Variants in FMN1 observed in about 807,000 individuals in gnomAD.
FMN1 encodes formin 1.
In FMN1, 110 loss-of-function variants were observed where a neutral mutation model predicts 132.4. The observed-to-expected ratio is 0.83, with a 90% CI of 0.71 to 0.97. The LOEUF is 0.97. FMN1 is among the 50% of genes least tolerant of loss of function. The pLI is 0.00. For synonymous variants in FMN1, 722 were observed against 651.7 expected, an observed-to-expected ratio of 1.11 and a Z score of -1.64; for missense variants, 1,792 against 1,705.3, an observed-to-expected ratio of 1.05 and a Z score of -0.90.
chr15:33,007,061 C>T, intron 7 of FMN1, among the ~76,000 whole-genome samples: 1 of 152,074 alleles, frequency 6.6e-6, no homozygotes, highest in East Asian at 1.9e-4. Context: ...TTCGTGTTCT[C>T]ACCGCATATA....
At chr15:33,102,065 T>C (rs1382778761) in intron 4 of FMN1, among the ~76,000 whole-genome samples, 2 of 152,238 alleles carry the variant, frequency 1.3e-5, no homozygotes, top group East Asian at 3.9e-4. Context: ...TAAGTTTATC[T>C]CCCCTTTTCT....
intron 19 of FMN1, among the ~76,000 whole-genome samples, chr15:32,784,982 C>G (rs56292939): frequency 6.6e-6 from 1 of 151,820 alleles, no homozygotes; most frequent in Non-Finnish European, 1.5e-5. Context: ...TGGCTTCTCC[C>G]AACTTAATTC....
At chr15:33,059,846 G>T (rs773840717) in intron 6 of FMN1, among the ~76,000 whole-genome samples, 1 of 152,178 alleles carries the variant, frequency 6.6e-6, no homozygotes, top group Non-Finnish European at 1.5e-5. Context: ...CTGAGCCAAA[G>T]ATCTTTACTA....
At chr15:33,073,138 T>A (rs1040643881) in intron 5 of FMN1, among the ~76,000 whole-genome samples, 1 of 152,182 alleles carries the variant, frequency 6.6e-6, no homozygotes, top group Non-Finnish European at 1.5e-5. Flanking sequence ...CCCTTACTCT[T>A]TGTAGCACTT....
chr15:32,870,548 C>T (rs2059491116), intron 16 of FMN1, among the ~76,000 whole-genome samples: 1 of 152,168 alleles, frequency 6.6e-6, no homozygotes, highest in African/African-American at 2.4e-5. Context: ...CAAAGCTGGG[C>T]CACTGACTAC....
chr15:33,124,020 G>T (rs1417321186), intron 4 of FMN1, among the ~76,000 whole-genome samples: 1 of 152,140 alleles, frequency 6.6e-6, no homozygotes, highest in Non-Finnish European at 1.5e-5. Flanking sequence ...AACTATTCCA[G>T]CAAAGGACTG....
intron 15 of FMN1, among the ~76,000 whole-genome samples, chr15:32,897,903 G>C (rs539495571): frequency 6.6e-6 from 1 of 152,280 alleles, no homozygotes; most frequent in Non-Finnish European, 1.5e-5. Context: ...AGCCAGAGAA[G>C]GACAAGGTTT....
rs1319304885 is a variant in FMN1, at chr15:32,769,291, A to G, written c.*5019T>C. ...ATTGGCTTCAAATTTGACATGTTAA[A>G]ACTCTCTTAAATTCATCACTTTCCA... is the stretch of plus-strand genomic sequence containing the variant. On this transcript the variant is annotated 3_prime_UTR_variant, in exon 21 of 21. Transcript: ENST00000616417. The G allele has an allele frequency of 6.6e-6, 1 of 152,206 alleles. No homozygotes were observed. Among genetic ancestry groups the G allele is most frequent in the East Asian group, 1.9e-4 (1 of 5,200 alleles). 9.4% of individuals were successfully genotyped at this position (152,206 alleles called of 1,614,324 possible).
In FMN1 at chr15:33,153,371, T is replaced by A. The variant is rs1365473774; in HGVS notation, c.1544A>T (p.Lys515Ile). 1 of 1,536,464 alleles carries A rather than the reference T, an allele frequency of 6.5e-7. No homozygotes were observed. The highest frequency in any genetic ancestry group is 1.4e-5 in the African/African-American group (1 of 73,156). ...NNSASQSSTHKQTSPVPSPLS... is the reference protein window; with the variant it reads ...NNSASQSSTHIQTSPVPSPLS... ...AGGCGAGGGAACAGGTGACGTCTGT[T>A]TGTGTGTGCTGGACTGCGAGGCTGA... Residue 515 changes from lysine to isoleucine, a missense_variant, in exon 4 of 21, where the codon AAA (lysine) becomes ATA (isoleucine). Coordinates refer to ENST00000616417, the MANE Select transcript of FMN1 (RefSeq NM_001277313.2).
At chr15:32,855,187 AAAG>A (rs1366575082) in intron 17 of FMN1, among the ~76,000 whole-genome samples, 30 of 151,248 alleles carry the variant, frequency 2.0e-4, no homozygotes, top group Admixed American at 2.0e-3. Context: ...AAAAAAGAAA[AAAG>A]AAAGAAAATC....
intron 19 of FMN1, among the ~76,000 whole-genome samples, chr15:32,793,773 A>T (rs1447618715): frequency 6.6e-6 from 1 of 152,220 alleles, no homozygotes; most frequent in African/African-American, 2.4e-5. Context: ...AATACAAGTC[A>T]TTTAACTACA....
chr15:32,975,424 G>C (rs1283471829), intron 7 of FMN1, among the ~76,000 whole-genome samples: 3 of 152,042 alleles, frequency 2.0e-5, no homozygotes, highest in African/African-American at 7.2e-5. Flanking sequence ...ATTTATAAGT[G>C]AAACTCCAAA....
At chr15:33,124,128 G>A (rs892397720) in intron 4 of FMN1, among the ~76,000 whole-genome samples, 1 of 152,174 alleles carries the variant, frequency 6.6e-6, no homozygotes, top group African/African-American at 2.4e-5. Flanking sequence ...CCTGGGTTGA[G>A]GATCATCTCT....
At chr15:33,013,242 G>A (rs1350064654) in intron 6 of FMN1, among the ~76,000 whole-genome samples, 1 of 152,150 alleles carries the variant, frequency 6.6e-6, no homozygotes, top group Admixed American at 6.5e-5. Flanking sequence ...AAGAGTTAAG[G>A]ACCATATTTG....
chr15:33,010,433 T>C (rs904647857), intron 6 of FMN1, among the ~76,000 whole-genome samples: 4 of 152,204 alleles, frequency 2.6e-5, no homozygotes, highest in African/African-American at 9.6e-5. Context: ...CACATTAAGT[T>C]CAAGAAAAAG....
intron 12 of FMN1, among the ~76,000 whole-genome samples, chr15:32,904,915 C>G (rs1403700312): frequency 6.6e-6 from 1 of 152,206 alleles, no homozygotes; most frequent in Non-Finnish European, 1.5e-5. Flanking sequence ...AGAGCAAACA[C>G]AGTAACTCTC....
intron 12 of FMN1, among the ~76,000 whole-genome samples, chr15:32,906,786 G>T (rs186973500): frequency 1.3e-5 from 2 of 152,306 alleles, no homozygotes; most frequent in East Asian, 3.9e-4. Flanking sequence ...GATTGGTAAG[G>T]AAGGTGTCTC....
At chr15:32,927,125 T>C (rs1173329835) in intron 9 of FMN1, among the ~76,000 whole-genome samples, 1 of 152,226 alleles carries the variant, frequency 6.6e-6, no homozygotes, top group Non-Finnish European at 1.5e-5. Context: ...ATTAAATGAC[T>C]ATATGAAAAG....
intron 4 of FMN1, among the ~76,000 whole-genome samples, chr15:33,089,545 T>C (rs1387723880): frequency 6.6e-6 from 1 of 152,150 alleles, no homozygotes; most frequent in African/African-American, 2.4e-5. Context: ...TAACCTAAAC[T>C]ATAGGCAAGT....
Sources: allele counts gnomAD v4.1 joint callset (sites outside exome capture counted in the v4.1 genomes callset), GRCh38; gene constraint gnomAD v4.1.1; transcripts MANE v1.5; gene names NCBI Gene and HGNC (gene_info 2026-07-23, HGNC 2026-07-21).